Variants in BOD1L1 observed in about 807,000 individuals in gnomAD.
BOD1L1 encodes the protein biorientation of chromosomes in cell division 1 like 1, also known as biorientation of chromosomes in cell division protein 1-like 1.
A neutral mutation model predicts 240.7 loss-of-function variants in BOD1L1; 86 were observed. The ratio of observed to expected loss-of-function variants is 0.36; its 90% CI spans 0.30 to 0.43. The LOEUF is 0.43. Ranked by LOEUF, BOD1L1 falls within the 20% of genes least tolerant of loss-of-function variation. The pLI, the probability that BOD1L1 is intolerant of heterozygous loss-of-function variation, is 1.00. For synonymous variants in BOD1L1, 1,268 were observed against 1,272.3 expected, an observed-to-expected ratio of 1.00 and a Z score of 0.07; for missense variants, 3,554 against 3,643.5, an observed-to-expected ratio of 0.98 and a Z score of 0.63.
At chr4:13,627,239 G>T in intron 1 of BOD1L1, 106 bp downstream of exon 1, 2 of 506,206 alleles carry the variant, frequency 4.0e-6, no homozygotes, top group Non-Finnish European at 2.8e-6. Flanking sequence ...GCTTTGCACA[G>T]TCCGTGGCAC....
chr4:13,600,540 G>A lies in BOD1L1; in HGVS notation c.6360C>T (p.Pro2120=). 1.2e-6 allele frequency: 2 copies of A among 1,613,940 alleles called. No homozygotes were observed. Among genetic ancestry groups the A allele is most frequent in the Non-Finnish European group, 1.7e-6 (2 of 1,179,882 alleles). The change falls in exon 10 of 26, where the codon CCC becomes CCT. Residue 2120 remains proline, a synonymous_variant. Coordinates refer to ENST00000040738, the MANE Select transcript of BOD1L1 (RefSeq NM_148894.3). The part of the protein sequence containing the change: ...VTTEEFEAPM[P]SAVSGDDSQL... ...GGCTGTCATCTCCTGAGACTGCACT[G>A]GGCATGGGGGCCTCAAATTCTTCTG...
chr4:13,586,501 C>T (rs1713704509), intron 16 of BOD1L1, 26 bp from the exon 17 acceptor site: 2 of 1,466,252 alleles, frequency 1.4e-6, no homozygotes, highest in Non-Finnish European at 1.9e-6. Context: ...GACAGAATCA[C>T]AAAGGAACAA....
At chr4:13,584,441 AGTGTGTGTGTGTGTGTGTGTGT>A in intron 17 of BOD1L1, among the ~76,000 whole-genome samples, 1 of 134,906 alleles carries the variant, frequency 7.4e-6, no homozygotes, top group African/African-American at 2.7e-5. Flanking sequence ...AGAGAGAGAG[AGTGTGTGTGTGTGTGTGTGTGT>A]GTGTGTGTGT....
At position 13,604,029 on chromosome 4, in the gene BOD1L1, C is replaced by A; in HGVS notation, c.2871G>T (p.Lys957Asn). ...CAAAAGGTTTGTCTTCAACTTTAGA[C>A]TTACGCTGTTTTTCTGAGTCATTTT... Reference protein sequence around the residue: ...TEENDSEKQRKSKVEDKPFEE... With the variant: ...TEENDSEKQRNSKVEDKPFEE... Residue 957 changes from lysine (K) to asparagine (N), a missense_variant, in exon 10 of 26, where the codon AAG becomes AAT. By Grantham distance (94) the Lys-to-Asn change is moderately conservative (BLOSUM62 0). Coordinates refer to ENST00000040738, the MANE Select transcript of BOD1L1 (RefSeq NM_148894.3). The A allele has an allele frequency of 6.2e-7, 1 of 1,613,922 alleles. No individual in the cohort carries two copies. The highest frequency in any genetic ancestry group is 1.1e-5 in the South Asian group (1 of 91,084).
chr4:13,602,885 T>C lies in BOD1L1; in HGVS notation c.4015A>G (p.Lys1339Glu), dbSNP rs752137727. ...CCACCTTCTTTGCTGTCACTTGTCT[T>C]AAGGACTTCTGATTCCCTAACAGTC... Reference protein sequence around the residue: ...SLTVRESEVLKTSDSKEGGEG... With the variant: ...SLTVRESEVLETSDSKEGGEG... Residue 1339 changes from lysine (K) to glutamate (E), a missense_variant, in exon 10 of 26, where the codon AAG becomes GAG. Lys to Glu is a moderately conservative substitution (Grantham distance 56). Around this residue, in one of 2 missense-constraint regions of BOD1L1, gnomAD observed 3,393 missense variants for 3,427.1 expected, o/e 0.99. Coordinates refer to ENST00000040738, the MANE Select transcript of BOD1L1 (RefSeq NM_148894.3). 2 of 1,614,002 alleles carry C rather than the reference T, an allele frequency of 1.2e-6. No individual in the cohort carries two copies. Among genetic ancestry groups the C allele is most frequent in the South Asian group, 2.2e-5 (2 of 91,088 alleles).
At chr4:13,626,938 C>A (rs937930737) in intron 1 of BOD1L1, among the ~76,000 whole-genome samples, 1 of 152,314 alleles carries the variant, frequency 6.6e-6, no homozygotes, top group East Asian at 1.9e-4. Flanking sequence ...GATTCAATTA[C>A]CATTTAGTCA....
chr4:13,598,420 C>T (rs1297890320), intron 10 of BOD1L1, among the ~76,000 whole-genome samples: 3 of 152,070 alleles, frequency 2.0e-5, no homozygotes, highest in Non-Finnish European at 4.4e-5. Context: ...ATTATCATCC[C>T]GTCTTATTAT....
At chr4:13,609,572 G>A (rs1190443373) in intron 6 of BOD1L1, among the ~76,000 whole-genome samples, 166 bp from the exon 7 acceptor site, 2 of 152,042 alleles carry the variant, frequency 1.3e-5, no homozygotes, top group Admixed American at 6.5e-5. Context: ...TTATCTCTGT[G>A]TGTATACATA....
chr4:13,580,124 T>C, intron 21 of BOD1L1, 151 bp from the exon 22 acceptor site: 1 of 587,284 alleles, frequency 1.7e-6, no homozygotes, highest in Non-Finnish European at 3.0e-6. Context: ...TAAGTATACC[T>C]AGCAAACATG....
In BOD1L1 at chr4:13,600,630, A is replaced by G. The variant is rs1469296462; in HGVS notation, c.6270T>C (p.Asp2090=). ...DYTPQVSAIT[D]VEGGLSDALR... Reference sequence around the variant, plus strand: ...GAGCATCTGAGAGACCTCCTTCCACATCTGTAATTGCGCTTACCTGAGGGG... The same window carrying G: ...GAGCATCTGAGAGACCTCCTTCCACGTCTGTAATTGCGCTTACCTGAGGGG... Residue 2090 remains aspartate (D), a synonymous_variant, in exon 10 of 26, where the codon GAT becomes GAC. Coordinates refer to ENST00000040738, the MANE Select transcript of BOD1L1 (RefSeq NM_148894.3). 1 of 1,613,692 alleles carries G rather than the reference A, an allele frequency of 6.2e-7. No homozygotes were observed. Among genetic ancestry groups the G allele is most frequent in the Non-Finnish European group, 8.5e-7 (1 of 1,179,846 alleles).
chr4:13,588,080 T>C (rs1306576162), intron 15 of BOD1L1, among the ~76,000 whole-genome samples: 2 of 151,300 alleles, frequency 1.3e-5, no homozygotes, highest in African/African-American at 2.4e-5. Context: ...CCCAGCTGCT[T>C]GTGAGGCTGA....
chr4:13,595,709 T>A (rs944428974), intron 12 of BOD1L1, 151 bp downstream of exon 12: 7 of 549,470 alleles, frequency 1.3e-5, no homozygotes, highest in Admixed American at 3.3e-5. Context: ...AATAAAATAG[T>A]AAAGAATTCT....
At chr4:13,575,122 T>C (rs1712596884) in intron 25 of BOD1L1, among the ~76,000 whole-genome samples, 1 of 152,036 alleles carries the variant, frequency 6.6e-6, no homozygotes, top group African/African-American at 2.4e-5. Flanking sequence ...GGTTTCACCA[T>C]ATTGGCCAGG....
At chr4:13,626,978 C>T (rs992235471) in intron 1 of BOD1L1, among the ~76,000 whole-genome samples, 32 of 152,140 alleles carry the variant, frequency 2.1e-4, no homozygotes, top group African/African-American at 7.2e-4. Context: ...CCCTTACCGC[C>T]CAGAAACCTT....
At chr4:13,574,991 C>G (rs1025956121) in intron 25 of BOD1L1, among the ~76,000 whole-genome samples, 3 of 151,540 alleles carry the variant, frequency 2.0e-5, no homozygotes, top group Non-Finnish European at 4.4e-5. Flanking sequence ...GTGATCTCGG[C>G]TCACTGCAAC....
At chr4:13,627,144 C>G (rs1196124556) in intron 1 of BOD1L1, among the ~76,000 whole-genome samples, 1 of 152,144 alleles carries the variant, frequency 6.6e-6, no homozygotes, top group Non-Finnish European at 1.5e-5. Flanking sequence ...ATCACTGTGC[C>G]GAAACCATGA....
rs529661917 is a variant in BOD1L1 at position 13,609,328 on chromosome 4, C to T, written c.1570G>A (p.Glu524Lys). ...KLEEKRKQKA[E>K]KTKSSKTKGQ... ...TTGGTTTTTGAAGACTTTGTCTTTT[C>T]TGCTTTCTGTTTTCGTTTTTCTTCA... The change falls in exon 7 of 26, where the codon GAA (glutamate) becomes AAA (lysine). Residue 524 changes from glutamate (E) to lysine (K), a missense_variant. By Grantham distance (56) the Glu-to-Lys change is moderately conservative. Coordinates refer to ENST00000040738, the MANE Select transcript of BOD1L1 (RefSeq NM_148894.3). The T allele has an allele frequency of 2.6e-6, 4 of 1,556,196 alleles. No homozygotes were observed. The highest frequency in any genetic ancestry group is 1.2e-5 in the South Asian group (1 of 80,150).
intron 25 of BOD1L1, chr4:13,572,640 T>C (rs1712308267): frequency 1.6e-6 from 2 of 1,231,218 alleles, no homozygotes; most frequent in Non-Finnish European, 1.1e-6. Flanking sequence ...GAAGAAAGCA[T>C]TATTGTACCA....
intron 25 of BOD1L1, among the ~76,000 whole-genome samples, chr4:13,576,264 T>C (rs1407875279): frequency 1.3e-5 from 2 of 152,160 alleles, no homozygotes. Context: ...GAGAATTCAA[T>C]GACATTCCCA....
Sources: allele counts gnomAD v4.1 joint callset (sites outside exome capture counted in the v4.1 genomes callset), GRCh38; gene constraint gnomAD v4.1.1; regional missense constraint gnomAD v4.1.1; transcripts MANE v1.5; gene names NCBI Gene and HGNC (gene_info 2026-07-23, HGNC 2026-07-21).